The following PIWIL3 variants were observed in gnomAD, a reference collection of about 807,000 sequenced individuals.
The protein encoded by PIWIL3 is piwi like RNA-mediated gene silencing 3, also known as piwi-like protein 3.
A neutral mutation model predicts 109.7 loss-of-function variants in PIWIL3; 101 were observed. The ratio of observed to expected loss-of-function variants is 0.92; its 90% CI spans 0.78 to 1.09. The LOEUF is 1.09. PIWIL3 is among the 50% of genes least tolerant of loss of function. The pLI is 0.00. For synonymous variants in PIWIL3, 373 were observed against 376.4 expected, an observed-to-expected ratio of 0.99 and a Z score of 0.10; for missense variants, 1,031 against 1,072.6, an observed-to-expected ratio of 0.96 and a Z score of 0.54.
At chr22:24,755,654 AC>A (rs1924980734) in intron 6 of PIWIL3, 129 bp downstream of exon 6, 1 of 1,188,974 alleles carries the variant, frequency 8.4e-7, no homozygotes, top group African/African-American at 1.5e-5. Flanking sequence ...CATCTCCAAG[AC>A]CCTTCACTCT....
intron 1 of PIWIL3, chr22:24,769,762 C>G (rs1199233969): frequency 6.6e-6 from 1 of 151,926 alleles, no homozygotes; most frequent in Admixed American, 6.6e-5. Flanking sequence ...TGCCACCGCA[C>G]TCTGGCCTGG....
At chr22:24,721,136 G>A (rs1175008776) in intron 19 of PIWIL3, among the ~76,000 whole-genome samples, 1 of 152,148 alleles carries the variant, frequency 6.6e-6, no homozygotes, top group African/African-American at 2.4e-5. Flanking sequence ...TGTATATACT[G>A]TATAGGCACT....
chr22:24,735,596 C>T lies in PIWIL3; in HGVS notation c.1634+112G>A, dbSNP rs949051552. On this transcript the variant is annotated intron_variant, in intron 13 of 20. Transcript: ENST00000616349. Reference sequence around the variant, plus strand: ...TTTTTTGACTAGAGATTAGACTTTACAAACTCTAAGGTTTTGATACAGTGA... The same window carrying T: ...TTTTTTGACTAGAGATTAGACTTTATAAACTCTAAGGTTTTGATACAGTGA... The T allele has an allele frequency of 4.7e-6, 5 of 1,068,820 alleles. No homozygotes were observed. The African/African-American group carries it at 8.2e-5, about 17-fold the overall frequency. The allele number at this position is 1,068,820 out of a possible 1,614,324, so 66.2% of individuals were successfully genotyped here.
intron 13 of PIWIL3, among the ~76,000 whole-genome samples, chr22:24,734,905 ACTTGTG>A (rs2147665943): frequency 6.6e-6 from 1 of 151,696 alleles, no homozygotes; most frequent in East Asian, 1.9e-4. Context: ...ATATAGGTAA[ACTTGTG>A]CCCTGAGGGT....
At position 24,723,200 on chromosome 22, in the gene PIWIL3, T is replaced by G; in HGVS notation, c.2287A>C (p.Lys763Gln). Reference sequence around the variant, plus strand: ...GGATTTTGAAAATTGCTTCCATGTTTAAGAAAAAATCTAGTGTTTATTCGT... The same window carrying G: ...GGATTTTGAAAATTGCTTCCATGTTGAAGAAAAAATCTAGTGTTTATTCGT... The part of the protein sequence containing the change: ...KKRINTRFFL[K>Q]HGSNFQNPPP... The change falls in exon 19 of 21, where the codon AAA (lysine) becomes CAA (glutamine). Residue 763 changes from lysine (K) to glutamine (Q), a missense_variant. Transcript: ENST00000616349. The G allele has an allele frequency of 6.2e-7, 1 of 1,610,872 alleles. No homozygotes were observed. The highest frequency in any genetic ancestry group is 8.5e-7 in the Non-Finnish European group (1 of 1,177,264).
intron 12 of PIWIL3, among the ~76,000 whole-genome samples, chr22:24,747,118 C>T (rs1005591456): frequency 2.0e-5 from 3 of 151,996 alleles, no homozygotes; most frequent in African/African-American, 7.2e-5. Flanking sequence ...ATGGTACTGG[C>T]ATAAAAACAG....
At position 24,753,958 on chromosome 22, in the gene PIWIL3, G is replaced by T. The variant is rs1411851579; in HGVS notation, c.977+56C>A. On this transcript the variant is annotated intron_variant, in intron 8 of 20. Coordinates refer to ENST00000616349, the MANE Select transcript of PIWIL3 (RefSeq NM_001255975.1). ...TAGAAAACTATAGGACCATCTCTTG[G>T]GGTGGGGGAAGGGGGAGTTAAAGTG... is the stretch of plus-strand genomic sequence containing the variant. The T allele has an allele frequency of 9.8e-6, 14 of 1,434,270 alleles. No homozygotes were observed. The East Asian group carries it at 3.2e-4, about 33-fold the overall frequency. 88.8% of individuals were successfully genotyped at this position (1,434,270 alleles called of 1,614,324 possible). A position where few individuals can be genotyped will look rare whatever the true frequency, so the allele number is the denominator to read the frequency against.
chr22:24,760,077 G>A, intron 2 of PIWIL3, 88 bp from the exon 3 acceptor site: 1 of 1,529,570 alleles, frequency 6.5e-7, no homozygotes, highest in Non-Finnish European at 8.9e-7. Flanking sequence ...ACAAGGCAAA[G>A]GAACTTCCTC....
At chr22:24,764,269 G>C (rs541947939) in intron 1 of PIWIL3, among the ~76,000 whole-genome samples, 67 of 152,358 alleles carry the variant, frequency 4.4e-4, no homozygotes, top group Non-Finnish European at 8.5e-4. Flanking sequence ...ATGGGAGTGG[G>C]GCTGGCTCGC....
chr22:24,764,670 T>TGTGTGTGTG, intron 1 of PIWIL3, among the ~76,000 whole-genome samples: 4 of 56,330 alleles, frequency 7.1e-5, no homozygotes, highest in East Asian at 9.3e-4. Context: ...GTGTGTGTGT[T>TGTGTGTGTG]GAGACAGGAT....
chr22:24,725,169 A>G (rs906744693), intron 17 of PIWIL3, 132 bp from the exon 18 acceptor site: 1 of 1,126,796 alleles, frequency 8.9e-7, no homozygotes, highest in Non-Finnish European at 1.3e-6. Context: ...AGTCCTGTCT[A>G]TTCTGGGGTT....
intron 3 of PIWIL3, among the ~76,000 whole-genome samples, chr22:24,759,462 A>C (rs1925282898): frequency 6.6e-6 from 1 of 152,340 alleles, no homozygotes; most frequent in African/African-American, 2.4e-5. Flanking sequence ...GCCTGTGTGC[A>C]TGAGTGCTGT....
At chr22:24,771,156 T>C (rs1468691575) in intron 1 of PIWIL3, among the ~76,000 whole-genome samples, 1 of 152,000 alleles carries the variant, frequency 6.6e-6, no homozygotes, top group Non-Finnish European at 1.5e-5. Flanking sequence ...TCCTAGCTGC[T>C]AACATTTAAA....
At chr22:24,743,562 C>T (rs548789973) in intron 12 of PIWIL3, among the ~76,000 whole-genome samples, 1 of 152,256 alleles carries the variant, frequency 6.6e-6, no homozygotes, top group South Asian at 2.1e-4. Context: ...AATGAAGTAA[C>T]TCAGGAATGG....
chr22:24,720,259 GTTTTTT>G lies in PIWIL3; in HGVS notation c.2358-370_2358-365del, dbSNP rs56087060. Among the ~76,000 whole-genome samples, 19 of 105,518 alleles carry G rather than the reference GTTTTTT, an allele frequency of 1.8e-4. No individual in the cohort carries two copies. The South Asian group carries it at 2.0e-3, about 11-fold the overall frequency. 69.2% of individuals were successfully genotyped at this position (105,518 alleles called of 152,430 possible). On this transcript the variant is annotated intron_variant, in intron 19 of 20. Coordinates refer to ENST00000616349, the MANE Select transcript of PIWIL3 (RefSeq NM_001255975.1). ...AGAATCACTGGACTATATTTAAACT[GTTTTTT>G]TTTTTTTTTTTTTTTTTTTTTTTTT...
intron 12 of PIWIL3, among the ~76,000 whole-genome samples, chr22:24,737,816 C>T (rs529512735): frequency 5.9e-5 from 9 of 152,144 alleles, no homozygotes; most frequent in Non-Finnish European, 1.2e-4. Flanking sequence ...AGCAGTACTC[C>T]CTATGGGCCT....
At chr22:24,768,593 G>C (rs1925940366) in intron 1 of PIWIL3, among the ~76,000 whole-genome samples, 1 of 152,126 alleles carries the variant, frequency 6.6e-6, no homozygotes, top group Non-Finnish European at 1.5e-5. Flanking sequence ...AGGAAAACAA[G>C]AAGCAGGAAG....
Position 24,719,816 on chromosome 22 carries a change from T to G in PIWIL3, c.2437A>C (p.Ile813Leu), listed in dbSNP as rs1200556239. The G allele has an allele frequency of 1.2e-6, 2 of 1,611,418 alleles. No individual in the cohort carries two copies. Among genetic ancestry groups the G allele is most frequent in the Non-Finnish European group, 1.7e-6 (2 of 1,177,664 alleles). ...PTHYNVIYDT[I>L]GLSPDTVQRL... Reference sequence around the variant, plus strand: ...TGTACTGTATCTGGGCTCAAGCCAATCGTGTCATAGATGACGTTATAATGA... The same window carrying G: ...TGTACTGTATCTGGGCTCAAGCCAAGCGTGTCATAGATGACGTTATAATGA... Residue 813 changes from isoleucine to leucine, a missense_variant, in exon 20 of 21, where the codon ATT (isoleucine) becomes CTT (leucine). Transcript: ENST00000616349.
chr22:24,740,624 A>T (rs1009867696), intron 12 of PIWIL3, among the ~76,000 whole-genome samples: 2 of 152,026 alleles, frequency 1.3e-5, no homozygotes, highest in Non-Finnish European at 1.5e-5. Flanking sequence ...CAAGGCCACT[A>T]TGAACACCTT....
Sources: allele counts gnomAD v4.1 joint callset (sites outside exome capture counted in the v4.1 genomes callset), GRCh38; gene constraint gnomAD v4.1.1; transcripts MANE v1.5; gene names NCBI Gene and HGNC (gene_info 2026-07-23, HGNC 2026-07-21).